SNX24: variants seen among roughly 807,000 people sequenced by gnomAD.
The protein encoded by SNX24 is sorting nexin-24.
A neutral mutation model predicts 28.7 loss-of-function variants in SNX24; 22 were observed. That is an observed-to-expected ratio of 0.77 (90% CI 0.55 to 1.10). SNX24 has a LOEUF of 1.10. SNX24 is among the 50% of genes least tolerant of loss of function. SNX24 has a pLI of 0.00. For synonymous variants in SNX24, 69 were observed against 71.5 expected, an observed-to-expected ratio of 0.96 and a Z score of 0.18; for missense variants, 221 against 201.1, an observed-to-expected ratio of 1.10 and a Z score of -0.60.
chr5:122,883,423 T>G (rs574273147), intron 1 of SNX24, among the ~76,000 whole-genome samples: 27 of 152,310 alleles, frequency 1.8e-4, no homozygotes, highest in Middle Eastern at 6.8e-3. Context: ...TGAACAGAAA[T>G]GAACAAATGG....
intron 3 of SNX24, among the ~76,000 whole-genome samples, chr5:122,993,551 C>T (rs986766058): frequency 2.0e-5 from 3 of 152,276 alleles, no homozygotes; most frequent in Middle Eastern, 3.4e-3. Context: ...CTGCCCGCCT[C>T]AGCCTCCCAA....
intron 5 of SNX24, chr5:123,028,913 C>T (rs1462270708): frequency 1.3e-5 from 19 of 1,464,432 alleles, no homozygotes; most frequent in Non-Finnish European, 1.8e-5. Flanking sequence ...AGAGGCCATA[C>T]TGAAAGATAA....
intron 1 of SNX24, among the ~76,000 whole-genome samples, chr5:122,853,460 G>T (rs866495357): frequency 6.6e-6 from 1 of 152,098 alleles, no homozygotes; most frequent in Non-Finnish European, 1.5e-5. Context: ...AAGAAATACC[G>T]TTTGAAAACA....
intron 1 of SNX24, among the ~76,000 whole-genome samples, chr5:122,899,169 A>G (rs567967152): frequency 1.3e-5 from 2 of 152,230 alleles, no homozygotes; most frequent in East Asian, 3.9e-4. Flanking sequence ...TCACTCCTAT[A>G]GTCTTCAACA....
chr5:122,889,510 T>C (rs951968652), intron 1 of SNX24, among the ~76,000 whole-genome samples: 1 of 151,842 alleles, frequency 6.6e-6, no homozygotes, highest in East Asian at 1.9e-4. Context: ...CCAATACATA[T>C]AATGCAGATA....
chr5:122,992,629 C>T (rs1761902878), intron 3 of SNX24, among the ~76,000 whole-genome samples: 1 of 152,200 alleles, frequency 6.6e-6, no homozygotes, highest in Admixed American at 6.5e-5. Context: ...AATAGGGGTG[C>T]TTTGTTACTA....
chr5:122,845,740 G>A (rs1754590557), intron 1 of SNX24, 47 bp downstream of exon 1: 1 of 1,211,252 alleles, frequency 8.3e-7, no homozygotes, highest in Non-Finnish European at 1.1e-6. Context: ...CCAGGCCTGC[G>A]GCTGCTGCGC....
intron 3 of SNX24, among the ~76,000 whole-genome samples, chr5:122,986,787 T>A (rs1761622050): frequency 7.8e-6 from 1 of 127,856 alleles, no homozygotes; most frequent in East Asian, 2.2e-4. Flanking sequence ...GTTTATGTGC[T>A]GATAGGAATG....
intron 5 of SNX24, among the ~76,000 whole-genome samples, chr5:123,021,780 G>A (rs112699627): frequency 6.6e-6 from 1 of 152,112 alleles, no homozygotes; most frequent in African/African-American, 2.4e-5. Flanking sequence ...CTCTGACCGC[G>A]CCCCTATCCC....
At chr5:122,923,657 G>A (rs1251619156) in intron 1 of SNX24, among the ~76,000 whole-genome samples, 2 of 152,150 alleles carry the variant, frequency 1.3e-5, no homozygotes, top group Non-Finnish European at 2.9e-5. Flanking sequence ...GCAGAGCTTT[G>A]AAGCTGGCAG....
intron 1 of SNX24, among the ~76,000 whole-genome samples, chr5:122,871,301 G>A (rs887180094): frequency 6.6e-6 from 1 of 152,168 alleles, no homozygotes; most frequent in African/African-American, 2.4e-5. Flanking sequence ...TTGTAGCTAA[G>A]CCTGCAGATT....
At chr5:122,877,359 G>A (rs982869011) in intron 1 of SNX24, among the ~76,000 whole-genome samples, 24 of 152,126 alleles carry the variant, frequency 1.6e-4, no homozygotes, top group African/African-American at 5.6e-4. Context: ...AGGAAACCAG[G>A]CTGATTGAAC....
intron 1 of SNX24, among the ~76,000 whole-genome samples, chr5:122,859,422 T>C (rs924746073): frequency 1.3e-4 from 20 of 152,196 alleles, no homozygotes; most frequent in African/African-American, 3.6e-4. Flanking sequence ...CTGGGCAACA[T>C]AGTGAGAACT....
At chr5:122,852,065 A>G (rs910368993) in intron 1 of SNX24, among the ~76,000 whole-genome samples, 1 of 151,266 alleles carries the variant, frequency 6.6e-6, no homozygotes, top group Admixed American at 6.6e-5. Flanking sequence ...CTGTAGTGCT[A>G]TTTTATATAT....
At chr5:122,933,691 G>T (rs1436640921) in intron 1 of SNX24, among the ~76,000 whole-genome samples, 1 of 152,182 alleles carries the variant, frequency 6.6e-6, no homozygotes, top group Non-Finnish European at 1.5e-5. Context: ...TTGGCCAGAA[G>T]AGACCTTGGT....
At chr5:122,868,330 G>A (rs568288775) in intron 1 of SNX24, among the ~76,000 whole-genome samples, 1 of 152,252 alleles carries the variant, frequency 6.6e-6, no homozygotes, top group African/African-American at 2.4e-5. Flanking sequence ...ATAACACACT[G>A]TTCATGATGG....
At chr5:123,017,448 T>G (rs1366371876) in intron 5 of SNX24, among the ~76,000 whole-genome samples, 1 of 151,288 alleles carries the variant, frequency 6.6e-6, no homozygotes, top group Non-Finnish European at 1.5e-5. Context: ...TTTTTTAAGA[T>G]AAGTCTTTTG....
chr5:122,859,127 A>G (rs1161240252), intron 1 of SNX24, among the ~76,000 whole-genome samples: 7 of 152,196 alleles, frequency 4.6e-5, no homozygotes, highest in Admixed American at 4.6e-4. Flanking sequence ...TATTGTAATC[A>G]TTGGCACTTG....
At chr5:122,907,878 C>T (rs190618247) in intron 1 of SNX24, among the ~76,000 whole-genome samples, 1 of 151,590 alleles carries the variant, frequency 6.6e-6, no homozygotes, top group East Asian at 1.9e-4. Flanking sequence ...AGTTATAGCT[C>T]ACTGAATGGT....
Sources: allele counts gnomAD v4.1 joint callset (sites outside exome capture counted in the v4.1 genomes callset), GRCh38; gene constraint gnomAD v4.1.1; transcripts MANE v1.5; gene names NCBI Gene and HGNC (gene_info 2026-07-23, HGNC 2026-07-21).